The following TSC22D1 variants were observed in gnomAD, a reference collection of about 807,000 sequenced individuals.
TSC22D1 encodes the protein TSC22 domain family member 1.
In TSC22D1, 9 loss-of-function variants were observed where a neutral mutation model predicts 74.2. The observed-to-expected ratio is 0.12, with a 90% CI of 0.07 to 0.21. TSC22D1 has a LOEUF of 0.21. TSC22D1 is among the 10% of genes least tolerant of loss of function. TSC22D1 has a pLI of 1.00. For synonymous variants in TSC22D1, 586 were observed against 492.5 expected, an observed-to-expected ratio of 1.19 and a Z score of -2.51; for missense variants, 1,427 against 1,304.7, an observed-to-expected ratio of 1.09 and a Z score of -1.44.
intron 1 of TSC22D1, among the ~76,000 whole-genome samples, chr13:44,503,114 T>G (rs1399736952): frequency 6.6e-6 from 1 of 152,164 alleles, no homozygotes; most frequent in Non-Finnish European, 1.5e-5. Flanking sequence ...CAAACTATAG[T>G]CATCAGTTGT....
chr13:44,566,508 C>T (rs1442559208), intron 1 of TSC22D1, among the ~76,000 whole-genome samples: 1 of 152,056 alleles, frequency 6.6e-6, no homozygotes, highest in African/African-American at 2.4e-5. Context: ...CTAAGTAATT[C>T]CACTCTTAAA....
chr13:44,527,486 A>G (rs1218029595), intron 1 of TSC22D1, among the ~76,000 whole-genome samples: 8 of 152,190 alleles, frequency 5.3e-5, no homozygotes, highest in Non-Finnish European at 5.9e-5. Flanking sequence ...GTAAATGTAC[A>G]CTGCCAACTC....
rs1316523879 is a variant in TSC22D1, at chr13:44,432,569, C to T, written c.*2057G>A. ...AGCCATCCATCATTTCAACAGGATGCCCGTGTCACCACTTTATAACACATG... is the reference window on the plus strand; with the variant it reads ...AGCCATCCATCATTTCAACAGGATGTCCGTGTCACCACTTTATAACACATG... On this transcript the variant is annotated 3_prime_UTR_variant, in exon 3 of 3. Coordinates refer to ENST00000458659, the MANE Select transcript of TSC22D1 (RefSeq NM_183422.4). The T allele has an allele frequency of 6.6e-6, 1 of 152,124 alleles. No individual in the cohort carries two copies. The highest frequency in any genetic ancestry group is 1.5e-5 in the Non-Finnish European group (1 of 68,020). The allele number at this position is 152,124 out of a possible 1,614,324, so 9.4% of individuals were successfully genotyped here.
At chr13:44,551,389 G>GGTGGGTGTGTGTGTGTGTGTGT (rs1298469090) in intron 1 of TSC22D1, among the ~76,000 whole-genome samples, 38 of 125,250 alleles carry the variant, frequency 3.0e-4, no homozygotes, top group African/African-American at 1.1e-3. Context: ...CAATCAGATG[G>GGTGGGTGTGTGTGTGTGTGTGT]GTGTGTGTGT....
At chr13:44,568,453 C>T (rs1012055665) in intron 1 of TSC22D1, among the ~76,000 whole-genome samples, 1 of 151,954 alleles carries the variant, frequency 6.6e-6, no homozygotes, top group Non-Finnish European at 1.5e-5. Flanking sequence ...GATTACTCTG[C>T]GGTAAAGTTA....
chr13:44,494,931 C>G (rs535401637), intron 1 of TSC22D1, among the ~76,000 whole-genome samples: 1 of 151,902 alleles, frequency 6.6e-6, no homozygotes, highest in African/African-American at 2.4e-5. Context: ...AAAAAGGAAC[C>G]AAAGAGAAAT....
intron 1 of TSC22D1, among the ~76,000 whole-genome samples, chr13:44,440,736 G>T (rs921926818): frequency 6.6e-6 from 1 of 151,908 alleles, no homozygotes; most frequent in African/African-American, 2.4e-5. Context: ...AGAACTGAAG[G>T]ACACAAGTCT....
rs757489821 is a variant in TSC22D1, at chr13:44,573,952, G to A, written c.2123C>T (p.Ala708Val). The A allele has an allele frequency of 1.2e-6, 2 of 1,614,118 alleles. No individual in the cohort carries two copies. Among genetic ancestry groups the A allele is most frequent in the Non-Finnish European group, 1.7e-6 (2 of 1,180,038 alleles). The stretch of plus-strand genomic sequence containing the variant: ...AGCCTGGCCAACAGGCTGGACAGAT[G>A]CCCCTGCAGGTTGTGCTGGGACTGC... ...PTAVPAQPAGASVQPVGQAPA... is the reference protein window; with the variant it reads ...PTAVPAQPAGVSVQPVGQAPA... Residue 708 changes from alanine to valine, a missense_variant, in exon 1 of 3, where the codon GCA becomes GTA. Physicochemically the swap from Ala to Val is moderately conservative, Grantham distance 64. Around this residue, in one of 3 missense-constraint regions of TSC22D1, gnomAD observed 1,343 missense variants for 1,191.5 expected, o/e 1.13. Coordinates refer to ENST00000458659, the MANE Select transcript of TSC22D1 (RefSeq NM_183422.4).
chr13:44,551,419 TGTGTGTG>T (rs1882263090), intron 1 of TSC22D1, among the ~76,000 whole-genome samples: 1 of 151,452 alleles, frequency 6.6e-6, no homozygotes. Flanking sequence ...TGTGTGTGTG[TGTGTGTG>T]TGTGTGTCTG....
At position 44,576,120 on chromosome 13, in the gene TSC22D1, C is replaced by T; in HGVS notation, c.-46G>A. On this transcript the variant is annotated 5_prime_UTR_variant, in exon 1 of 3. Coordinates refer to ENST00000458659, the MANE Select transcript of TSC22D1 (RefSeq NM_183422.4). ...CGGAGGAGACGAGTGCAATTTCCTT[C>T]TGCACCGTAATCTTTGTATTGGAGA... is the stretch of plus-strand genomic sequence containing the variant. 1 of 1,458,886 alleles carries T rather than the reference C, an allele frequency of 6.9e-7. No homozygotes were observed. The highest frequency in any genetic ancestry group is 9.0e-7 in the Non-Finnish European group (1 of 1,111,464). The allele number at this position is 1,458,886 out of a possible 1,614,324, so 90.4% of individuals were successfully genotyped here. A position where few individuals can be genotyped will look rare whatever the true frequency, so the allele number is the denominator to read the frequency against.
intron 1 of TSC22D1, among the ~76,000 whole-genome samples, chr13:44,545,779 C>T (rs1415256862): frequency 6.6e-6 from 1 of 151,962 alleles, no homozygotes; most frequent in Non-Finnish European, 1.5e-5. Flanking sequence ...GAGTTCAAGA[C>T]CAGCCTGGCC....
At chr13:44,577,059 C>T (rs571769608), upstream of TSC22D1, 1 of 152,796 alleles carries the variant, frequency 6.5e-6, no homozygotes, top group African/African-American at 2.4e-5. Context: ...TTCCTCACCC[C>T]GCTGCTCCCG....
chr13:44,516,507 C>G (rs1256413493), intron 1 of TSC22D1, among the ~76,000 whole-genome samples: 2 of 152,066 alleles, frequency 1.3e-5, no homozygotes, highest in East Asian at 3.9e-4. Flanking sequence ...CCAGGACACC[C>G]CAACACATCA....
intron 1 of TSC22D1, chr13:44,540,016 A>G (rs1881370568): frequency 1.0e-6 from 1 of 957,162 alleles, no homozygotes; most frequent in East Asian, 6.1e-5. Context: ...CTTAATCCTC[A>G]GGATAAAAAG....
At chr13:44,556,729 G>A (rs1882666070) in intron 1 of TSC22D1, among the ~76,000 whole-genome samples, 1 of 151,614 alleles carries the variant, frequency 6.6e-6, no homozygotes, top group Non-Finnish European at 1.5e-5. Flanking sequence ...AGTTGGACGT[G>A]GTGACGCACA....
rs1302284976 is a variant in TSC22D1, at chr13:44,576,258, A to C, written c.-184T>G. 1.2e-6 allele frequency: 1 copy of C among 858,814 alleles called. No homozygotes were observed. Among genetic ancestry groups the C allele is most frequent in the African/African-American group, 1.7e-5 (1 of 58,470 alleles). The allele number at this position is 858,814 out of a possible 1,614,324, so 53.2% of individuals were successfully genotyped here. A position where few individuals can be genotyped will look rare whatever the true frequency, so the allele number is the denominator to read the frequency against. ...CCTTCGAGAGCGAGCTTCGGAAAGG[A>C]GGATGAACGAGGGTGAACAGGGCGG... On this transcript the variant is annotated 5_prime_UTR_variant, in exon 1 of 3. Transcript: ENST00000458659.
In TSC22D1 at chr13:44,574,424, A is replaced by C; in HGVS notation, c.1651T>G (p.Ser551Ala). Reference protein sequence around the residue: ...QSQISQVQLQSQELSYQQKQG... With the variant: ...QSQISQVQLQAQELSYQQKQG... The stretch of plus-strand genomic sequence containing the variant: ...TTTTGCTGATAGCTCAGTTCTTGAG[A>C]CTGTAATTGTACTTGTGAGATCTGT... Residue 551 changes from serine (S) to alanine (A), a missense_variant, in exon 1 of 3, where the codon TCT becomes GCT. Ser to Ala is a moderately conservative substitution (Grantham distance 99). Coordinates refer to ENST00000458659, the MANE Select transcript of TSC22D1 (RefSeq NM_183422.4). 6.2e-7 allele frequency: 1 copy of C among 1,614,194 alleles called. No individual in the cohort carries two copies. Among genetic ancestry groups the C allele is most frequent in the Non-Finnish European group, 8.5e-7 (1 of 1,180,036 alleles).
At chr13:44,461,260 C>T (rs1876982081) in intron 1 of TSC22D1, among the ~76,000 whole-genome samples, 1 of 152,162 alleles carries the variant, frequency 6.6e-6, no homozygotes, top group African/African-American at 2.4e-5. Flanking sequence ...AATAGCTGAC[C>T]TGGAATATGA....
At chr13:44,502,196 G>A (rs1241582385) in intron 1 of TSC22D1, among the ~76,000 whole-genome samples, 1 of 152,100 alleles carries the variant, frequency 6.6e-6, no homozygotes, top group African/African-American at 2.4e-5. Flanking sequence ...TTCCTGATTG[G>A]TGAGTACGTT....
Sources: allele counts gnomAD v4.1 joint callset (sites outside exome capture counted in the v4.1 genomes callset), GRCh38; gene constraint gnomAD v4.1.1; regional missense constraint gnomAD v4.1.1; transcripts MANE v1.5; gene names NCBI Gene and HGNC (gene_info 2026-07-23, HGNC 2026-07-21).